The following DHX57 variants were observed in gnomAD, a reference collection of about 807,000 sequenced individuals.
DHX57 encodes putative ATP-dependent RNA helicase DHX57.
DHX57 carries 105 observed loss-of-function variants against 156.2 expected under a neutral mutation model. The ratio of observed to expected loss-of-function variants is 0.67; its 90% CI spans 0.57 to 0.79. DHX57 has a LOEUF of 0.79. Ranked by LOEUF, DHX57 falls within the 30% of genes least tolerant of loss-of-function variation. The pLI is 0.00. For synonymous variants in DHX57, 704 were observed against 595.6 expected (o/e 1.18, Z -2.65); for missense variants, 1,847 against 1,661.9 (o/e 1.11, Z -1.94).
chr2:38,819,246 C>G (rs1183011690), intron 17 of DHX57, 102 bp from the exon 18 acceptor site: 4 of 990,398 alleles, frequency 4.0e-6, no homozygotes, highest in Non-Finnish European at 6.2e-6. Context: ...GCGATCATAG[C>G]CCACTGCAAC....
At chr2:38,814,567 C>T (rs146243610) in intron 20 of DHX57, among the ~76,000 whole-genome samples, 34 of 152,308 alleles carry the variant, frequency 2.2e-4, no homozygotes, top group East Asian at 1.7e-3. Context: ...TACAGAAGTG[C>T]TCTTCCTATA....
chr2:38,831,310 C>G (rs1253332972), intron 13 of DHX57, among the ~76,000 whole-genome samples: 5 of 138,950 alleles, frequency 3.6e-5, no homozygotes, highest in African/African-American at 5.1e-5. Context: ...AGGTAATTTT[C>G]TTTCTTTATT....
Position 38,817,360 on chromosome 2 carries a change from G to A in DHX57, c.3471+1517C>T, listed in dbSNP as rs556611583. On this transcript the variant is annotated intron_variant, in intron 19 of 23. Transcript: ENST00000457308. Reference sequence around the variant, plus strand: ...GACAAAGTCTCCCTCTGTTGCCCAGGCTGGAGTGCAATGGCACAATCTCAA... The same window carrying A: ...GACAAAGTCTCCCTCTGTTGCCCAGACTGGAGTGCAATGGCACAATCTCAA... Among the ~76,000 whole-genome samples the A allele has an allele frequency of 6.6e-5, 10 of 152,228 alleles. No individual in the cohort carries two copies. In the East Asian group the frequency reaches 1.9e-3, roughly 29 times the overall value.
chr2:38,848,228 C>T (rs1185945313), intron 10 of DHX57, 41 bp downstream of exon 10: 2 of 1,520,958 alleles, frequency 1.3e-6, no homozygotes, highest in Non-Finnish European at 1.8e-6. Context: ...ATTATATTTG[C>T]TTATTAGAAT....
Position 38,861,726 on chromosome 2 carries a change from C to T in DHX57, c.684G>A (p.Glu228=), listed in dbSNP as rs753292305. The part of the protein sequence containing the change: ...LTQCFSETFG[E]RMKISEAVNQ... ...TGACTGCCTCAGAGATCTTCATCCTCTCTCCAAATGTCTCTGAAAAACACT... is the reference window on the plus strand; with the variant it reads ...TGACTGCCTCAGAGATCTTCATCCTTTCTCCAAATGTCTCTGAAAAACACT... Residue 228 remains glutamate (E), a synonymous_variant, in exon 5 of 24, where the codon GAG becomes GAA. Coordinates refer to ENST00000457308, the MANE Select transcript of DHX57 (RefSeq NM_198963.3). 6 of 1,614,194 alleles carry T rather than the reference C, an allele frequency of 3.7e-6. No homozygotes were observed. The highest frequency in any genetic ancestry group is 5.1e-6 in the Non-Finnish European group (6 of 1,180,028).
chr2:38,849,304 T>C (rs1276540250), intron 9 of DHX57, among the ~76,000 whole-genome samples: 1 of 152,210 alleles, frequency 6.6e-6, no homozygotes, highest in Non-Finnish European at 1.5e-5. Context: ...AAATCCCAAG[T>C]TGCCTGGAAT....
At chr2:38,859,764 C>T (rs779783257) in intron 5 of DHX57, among the ~76,000 whole-genome samples, 8 of 150,352 alleles carry the variant, frequency 5.3e-5, no homozygotes, top group Non-Finnish European at 1.0e-4. Context: ...TGAAATAATA[C>T]AAACTTTTGT....
chr2:38,846,213 C>A (rs906920384), intron 11 of DHX57, among the ~76,000 whole-genome samples: 1 of 152,192 alleles, frequency 6.6e-6, no homozygotes, highest in Non-Finnish European at 1.5e-5. Context: ...AAGCACAGTT[C>A]TAAGCACTTT....
At chr2:38,855,871 C>T (rs931312511) in intron 7 of DHX57, among the ~76,000 whole-genome samples, 12 of 152,094 alleles carry the variant, frequency 7.9e-5, no homozygotes, top group Admixed American at 3.3e-4. Flanking sequence ...CCGAGGCAGG[C>T]GGATCACTTG....
chr2:38,838,321 G>A (rs1413584941), intron 12 of DHX57, among the ~76,000 whole-genome samples: 1 of 152,050 alleles, frequency 6.6e-6, no homozygotes, highest in Non-Finnish European at 1.5e-5. Flanking sequence ...GGCTGGTCTC[G>A]AACTCCCAGG....
chr2:38,805,833 G>C (rs536731151), intron 22 of DHX57, among the ~76,000 whole-genome samples: 1 of 152,290 alleles, frequency 6.6e-6, no homozygotes, highest in South Asian at 2.1e-4. Flanking sequence ...GGTCTGGAGA[G>C]ACAGATTTGG....
intron 1 of DHX57, among the ~76,000 whole-genome samples, chr2:38,874,388 G>A (rs1475892231): frequency 6.8e-6 from 1 of 146,186 alleles, no homozygotes; most frequent in Non-Finnish European, 1.5e-5. Flanking sequence ...ACTGTGCCTA[G>A]TTGAAATACT....
chr2:38,799,978 G>A (rs1307995267), intron 23 of DHX57, among the ~76,000 whole-genome samples: 3 of 151,882 alleles, frequency 2.0e-5, no homozygotes, highest in African/African-American at 4.8e-5. Context: ...ACCTGAGGTC[G>A]GGAGTTCAAG....
chr2:38,847,129 G>C, intron 10 of DHX57, 56 bp from the exon 11 acceptor site: 9 of 1,359,812 alleles, frequency 6.6e-6, no homozygotes, highest in Non-Finnish European at 9.4e-6. Flanking sequence ...CAACCATCTT[G>C]AAATAGTTTA....
chr2:38,806,452 A>C, intron 22 of DHX57, 107 bp downstream of exon 22: 1 of 1,217,968 alleles, frequency 8.2e-7, no homozygotes, highest in East Asian at 2.5e-5. Context: ...AGTCAGTGGT[A>C]TTGCTGGGGA....
In DHX57 at chr2:38,848,271, G is replaced by T; in HGVS notation, c.2162C>A (p.Pro721Gln). 6.3e-7 allele frequency: 1 copy of T among 1,587,970 alleles called. No individual in the cohort carries two copies. The highest frequency in any genetic ancestry group is 1.2e-5 in the South Asian group (1 of 85,824). ...ATTTAATGATGCATTTTATTCACCTGGTATAGTAATAACGGGGCAGGAATT... is the reference window on the plus strand; with the variant it reads ...ATTTAATGATGCATTTTATTCACCTTGTATAGTAATAACGGGGCAGGAATT... ...YFNSCPVITI[P>Q]GRTFPVDQFF... is the part of the protein sequence containing the mutation. The change falls in exon 10 of 24, where the codon CCA becomes CAA. Residue 721 changes from proline to glutamine, a missense_variant and splice_region_variant. Transcript: ENST00000457308.
At chr2:38,804,257 G>A (rs1283592240) in intron 22 of DHX57, among the ~76,000 whole-genome samples, 3 of 152,174 alleles carry the variant, frequency 2.0e-5, no homozygotes, top group Non-Finnish European at 4.4e-5. Flanking sequence ...TTGGGAAACT[G>A]AGGCAGGTGG....
Position 38,858,725 on chromosome 2 carries a change from T to A in DHX57, c.1523A>T (p.Asp508Val). Residue 508 changes from aspartate to valine, a missense_variant, in exon 6 of 24, where the codon GAC becomes GTC. By Grantham distance (152) the Asp-to-Val change is radical (BLOSUM62 -3). Coordinates refer to ENST00000457308, the MANE Select transcript of DHX57 (RefSeq NM_198963.3). ...AGCATGTACTGACTTTGCCTGCCAG[T>A]CATATCTTTTGGAAATCTTTTTCTT... ...NLKKKISKRY[D>V]WQAKSVHAEN... 6.2e-7 allele frequency: 1 copy of A among 1,614,146 alleles called. No individual in the cohort carries two copies. Among genetic ancestry groups the A allele is most frequent in the African/African-American group, 1.3e-5 (1 of 75,060 alleles).
At position 38,826,044 on chromosome 2, in the gene DHX57, A is replaced by G. The variant is rs778156080; in HGVS notation, c.2817T>C (p.Tyr939=). The change falls in exon 16 of 24, where the codon TAT becomes TAC. Residue 939 remains tyrosine (Y), a synonymous_variant. Coordinates refer to ENST00000457308, the MANE Select transcript of DHX57 (RefSeq NM_198963.3). ...GACTTTCCATCCCTTTGCTGGCATC[A>G]TATCTATAAAGAAAAAGAAAATATA... The part of the protein sequence containing the change: ...IDSGKMKEKR[Y]DASKGMESLE... 1.9e-6 allele frequency: 3 copies of G among 1,613,028 alleles called. No homozygotes were observed. Among genetic ancestry groups the G allele is most frequent in the African/African-American group, 1.3e-5 (1 of 74,968 alleles).
Sources: gnomAD v4.1 joint callset for allele counts (sites outside exome capture counted in the v4.1 genomes callset) on GRCh38, gnomAD v4.1.1 for gene constraint, MANE v1.5 for transcripts, NCBI Gene and HGNC (gene_info 2026-07-23, HGNC 2026-07-21) for gene names.